The following CMTR1 variants were observed in gnomAD, a reference collection of about 807,000 sequenced individuals.
CMTR1 encodes the protein cap methyltransferase 1.
CMTR1 carries 39 observed loss-of-function variants against 107.0 expected under a neutral mutation model. The observed-to-expected ratio is 0.36, with a 90% confidence interval of 0.28 to 0.48. The LOEUF is 0.48. Among genes scored for constraint, CMTR1 ranks in the 20% least tolerant of loss-of-function variants. The pLI, the probability that CMTR1 is intolerant of heterozygous loss-of-function variation, is 0.99. For synonymous variants in CMTR1, 366 were observed against 379.5 expected (o/e 0.96, Z 0.41); for missense variants, 672 against 1,064.9 (o/e 0.63, Z 5.14).
In CMTR1 at chr6:37,461,485, G is replaced by C. The variant is rs1761402408; in HGVS notation, c.1096-64G>C. 7.2e-6 allele frequency: 6 copies of C among 836,942 alleles called. No homozygotes were observed. In the East Asian group the frequency reaches 1.2e-4, roughly 17 times the overall value. The allele number at this position is 836,942 out of a possible 1,614,324, so 51.8% of individuals were successfully genotyped here. A position where few individuals can be genotyped will look rare whatever the true frequency, so the allele number is the denominator to read the frequency against. On this transcript the variant is annotated intron_variant, in intron 10 of 23. Coordinates refer to ENST00000373451, the MANE Select transcript of CMTR1 (RefSeq NM_015050.3). ...AAGAACTCTCGATGAAGATGAGGTAGTGATGTTATTCTTAGTCCTTCTCTT... is the reference window on the plus strand; with the variant it reads ...AAGAACTCTCGATGAAGATGAGGTACTGATGTTATTCTTAGTCCTTCTCTT...
In CMTR1 at chr6:37,435,676, A is replaced by T; in HGVS notation, c.47A>T (p.Gln16Leu). The T allele has an allele frequency of 1.9e-6, 3 of 1,601,406 alleles. No individual in the cohort carries two copies. Among genetic ancestry groups the T allele is most frequent in the Non-Finnish European group, 2.6e-6 (3 of 1,175,166 alleles). Residue 16 changes from glutamine (Q) to leucine (L), a missense_variant, in exon 2 of 24, where the codon CAG (glutamine) becomes CTG (leucine). Around this residue, in one of 2 missense-constraint regions of CMTR1, gnomAD observed 89 missense variants for 96.6 expected, o/e 0.92. Coordinates refer to ENST00000373451, the MANE Select transcript of CMTR1 (RefSeq NM_015050.3). ...DPECTAPIKK[Q>L]KKRVAELALS... ...GAATGCACTGCCCCCATCAAGAAAC[A>T]GAAAAAAAGAGTTGCAGAGCTTGCC...
chr6:37,452,977 G>T, intron 6 of CMTR1, 70 bp from the exon 7 acceptor site: 1 of 1,332,514 alleles, frequency 7.5e-7, no homozygotes, highest in Non-Finnish European at 1.1e-6. Flanking sequence ...GCTGTGAGTT[G>T]GGCACTGCAG....
intron 13 of CMTR1, 97 bp downstream of exon 13, chr6:37,463,105 A>AGTT: frequency 7.7e-7 from 1 of 1,302,972 alleles, no homozygotes; most frequent in Non-Finnish European, 1.1e-6. Context: ...TCACTTTGTC[A>AGTT]ACCCTGACAA....
At chr6:37,448,065 G>A (rs965121843) in intron 4 of CMTR1, among the ~76,000 whole-genome samples, 3 of 151,802 alleles carry the variant, frequency 2.0e-5, no homozygotes, top group Admixed American at 2.0e-4. Context: ...CAAAAAATTA[G>A]CCGGGCATGG....
At chr6:37,478,340 T>TA (rs1761781375) in intron 21 of CMTR1, 69 bp from the exon 22 acceptor site, 1 of 1,209,342 alleles carries the variant, frequency 8.3e-7, no homozygotes, top group Non-Finnish European at 1.2e-6. Context: ...GTGATTTTAT[T>TA]AGTCAGAGAC....
intron 16 of CMTR1, among the ~76,000 whole-genome samples, chr6:37,473,229 G>C (rs1330166958): frequency 3.9e-5 from 6 of 152,052 alleles, no homozygotes; most frequent in Non-Finnish European, 8.8e-5. Context: ...TCTGTACTTG[G>C]GGACTCAGTG....
intron 4 of CMTR1, 61 bp from the exon 5 acceptor site, chr6:37,450,190 G>A: frequency 1.4e-6 from 2 of 1,408,094 alleles, no homozygotes; most frequent in South Asian, 1.2e-5. Context: ...GTCCTGATGA[G>A]TTGGGGTTTA....
intron 9 of CMTR1, 97 bp from the exon 10 acceptor site, chr6:37,459,469 C>A (rs1190883861): frequency 2.1e-6 from 2 of 972,460 alleles, no homozygotes; most frequent in African/African-American, 1.6e-5. Flanking sequence ...GTTCTTGAGA[C>A]ACCTGATGCC....
intron 4 of CMTR1, among the ~76,000 whole-genome samples, chr6:37,447,958 C>G (rs1001306428): frequency 6.6e-6 from 1 of 151,870 alleles, no homozygotes; most frequent in East Asian, 1.9e-4. Flanking sequence ...CGCCTGTAAC[C>G]CCAGCACTTT....
At chr6:37,438,077 TG>T (rs1230294590) in intron 2 of CMTR1, among the ~76,000 whole-genome samples, 1 of 152,164 alleles carries the variant, frequency 6.6e-6, no homozygotes, top group East Asian at 1.9e-4. Flanking sequence ...ATTGCTGTTG[TG>T]TGTGTAGAAT....
At position 37,481,217 on chromosome 6, in the gene CMTR1, T is replaced by TG; in HGVS notation, c.*1076dup. ...GAGGAGGGGGAGCTGGGCAGTAGCT[T>TG]GGGGTGGGGGTGGGCACCTGTGGTT... On this transcript the variant is annotated 3_prime_UTR_variant, in exon 24 of 24. Transcript: ENST00000373451. The TG allele has an allele frequency of 2.6e-6, 3 of 1,160,842 alleles. No individual in the cohort carries two copies. Among genetic ancestry groups the TG allele is most frequent in the Admixed American group, 2.9e-5 (1 of 34,952 alleles). 71.9% of individuals were successfully genotyped at this position (1,160,842 alleles called of 1,614,324 possible). A position where few individuals can be genotyped will look rare whatever the true frequency, so the allele number is the denominator to read the frequency against.
At chr6:37,451,785 A>C (rs992303904) in intron 5 of CMTR1, 21 bp from the exon 6 acceptor site, 1 of 1,598,830 alleles carries the variant, frequency 6.3e-7, no homozygotes, top group Non-Finnish European at 8.6e-7. Context: ...GTCATTACTT[A>C]CTGCTTTTTT....
At chr6:37,440,773 C>G (rs1245790347) in intron 2 of CMTR1, among the ~76,000 whole-genome samples, 1 of 152,192 alleles carries the variant, frequency 6.6e-6, no homozygotes, top group Non-Finnish European at 1.5e-5. Context: ...CAGAGATATT[C>G]TGAAGACAGA....
chr6:37,471,744 GTTCA>G (rs1194471218), intron 14 of CMTR1, 99 bp from the exon 15 acceptor site: 4 of 958,532 alleles, frequency 4.2e-6, no homozygotes, highest in African/African-American at 1.6e-5. Context: ...ACACTCACAT[GTTCA>G]TTCATTCAGG....
At chr6:37,467,863 A>T (rs1163335100) in intron 13 of CMTR1, among the ~76,000 whole-genome samples, 1 of 152,070 alleles carries the variant, frequency 6.6e-6, no homozygotes, top group Non-Finnish European at 1.5e-5. Context: ...TATAGACAAC[A>T]TGTGGTTGAG....
chr6:37,453,451 A>G, intron 8 of CMTR1, 139 bp downstream of exon 8: 1 of 764,978 alleles, frequency 1.3e-6, no homozygotes, highest in Admixed American at 2.3e-5. Context: ...CTCCTCAGAT[A>G]GGGTCCCACA....
upstream of CMTR1, among the ~76,000 whole-genome samples, chr6:37,430,041 G>A (rs1771341616): frequency 6.6e-6 from 1 of 152,156 alleles, no homozygotes; most frequent in Non-Finnish European, 1.5e-5. Flanking sequence ...TAAGCCAAAT[G>A]TAATTTAACA....
rs1429011761 is a variant in CMTR1, at chr6:37,461,848, C to CT, written c.1193-121dup. 1.0e-5 allele frequency: 12 copies of CT among 1,148,582 alleles called. No homozygotes were observed. In the African/African-American group the frequency reaches 1.4e-4, roughly 13 times the overall value. The allele number at this position is 1,148,582 out of a possible 1,614,324, so 71.1% of individuals were successfully genotyped here. On this transcript the variant is annotated intron_variant, in intron 11 of 23. Coordinates refer to ENST00000373451, the MANE Select transcript of CMTR1 (RefSeq NM_015050.3). ...GATGGTTCTCCCCCTTAAATTGTCT[C>CT]TGAGTTTTAACAGACCCAGGTGCTG...
upstream of CMTR1, among the ~76,000 whole-genome samples, chr6:37,430,430 T>G (rs1049397721): frequency 3.3e-5 from 5 of 152,028 alleles, no homozygotes; most frequent in African/African-American, 1.2e-4. Context: ...ATATAAGAGA[T>G]AAGTCATTTG....
Sources: gnomAD v4.1 joint callset for allele counts (sites outside exome capture counted in the v4.1 genomes callset) on GRCh38, gnomAD v4.1.1 for gene constraint, gnomAD v4.1.1 regional missense constraint, MANE v1.5 for transcripts, NCBI Gene and HGNC (gene_info 2026-07-23, HGNC 2026-07-21) for gene names.